Variants in ACBD6 observed in about 807,000 individuals in gnomAD.
ACBD6 encodes the protein acyl-CoA binding domain containing 6, also known as acyl-CoA-binding domain-containing protein 6.
Under a neutral mutation model 37.2 loss-of-function variants are expected in ACBD6, and 28 were observed. The observed-to-expected ratio is 0.75, with a 90% CI of 0.56 to 1.03. ACBD6 has a LOEUF of 1.03. Among genes scored for constraint, ACBD6 ranks in the 50% least tolerant of loss-of-function variants. The pLI, the probability that ACBD6 is intolerant of heterozygous loss-of-function variation, is 0.00. For missense variants in ACBD6, 340 were observed against 337.4 expected (o/e 1.01, Z -0.06); for synonymous variants, 113 against 126.8 (o/e 0.89, Z 0.73).
intron 3 of ACBD6, among the ~76,000 whole-genome samples, chr1:180,483,703 ATTAATCTT>A (rs1651148418): frequency 6.6e-6 from 1 of 152,212 alleles, no homozygotes; most frequent in African/African-American, 2.4e-5. Flanking sequence ...AATACATACT[ATTAATCTT>A]TTAATCAGTG....
At chr1:180,387,918 GTAAT>G (rs1653905809) in intron 6 of ACBD6, among the ~76,000 whole-genome samples, 1 of 152,072 alleles carries the variant, frequency 6.6e-6, no homozygotes. Context: ...GCTCACACCT[GTAAT>G]CCCACCACTT....
At chr1:180,393,090 G>A (rs559066759) in intron 6 of ACBD6, among the ~76,000 whole-genome samples, 2 of 152,304 alleles carry the variant, frequency 1.3e-5, no homozygotes, top group East Asian at 3.9e-4. Flanking sequence ...AGAAGGGTGT[G>A]TGTGTGTGCG....
chr1:180,397,494 A>G, intron 6 of ACBD6, 22 bp downstream of exon 6: 2 of 1,592,276 alleles, frequency 1.3e-6, no homozygotes, highest in South Asian at 2.2e-5. Context: ...AAAAAATAAA[A>G]GCTCTTCTTT....
chr1:180,493,060 C>T (rs1042988905), intron 2 of ACBD6, among the ~76,000 whole-genome samples: 5 of 151,708 alleles, frequency 3.3e-5, no homozygotes, highest in Non-Finnish European at 7.4e-5. Context: ...ACCAGCCTGG[C>T]CAACATGGTG....
chr1:180,425,342 C>G (rs1215471820), intron 4 of ACBD6, among the ~76,000 whole-genome samples: 1 of 152,192 alleles, frequency 6.6e-6, no homozygotes, highest in African/African-American at 2.4e-5. Context: ...CTTGCCTATA[C>G]CCACTTGTGT....
At chr1:180,457,266 C>A (rs1038684928) in intron 3 of ACBD6, among the ~76,000 whole-genome samples, 1 of 152,100 alleles carries the variant, frequency 6.6e-6, no homozygotes, top group Non-Finnish European at 1.5e-5. Context: ...AGGTAGATTA[C>A]CTTAGCAAGC....
At chr1:180,407,273 T>C (rs1647664578) in intron 5 of ACBD6, among the ~76,000 whole-genome samples, 1 of 152,218 alleles carries the variant, frequency 6.6e-6, no homozygotes, top group African/African-American at 2.4e-5. Context: ...ACTTCATCTG[T>C]TCATGAAATA....
Position 180,502,046 on chromosome 1 carries a change from T to C in ACBD6, c.221A>G (p.Gln74Arg). ...TCCACCCTCTCCCTGCTACTTTACC[T>C]GTTTGTACCTGGCATACAGGTACAA... is the stretch of plus-strand genomic sequence containing the variant. The part of the protein sequence containing the change: ...QLLYLYARYK[Q>R]VKVGNCNTPK... Residue 74 changes from glutamine to arginine, a missense_variant and splice_region_variant, in exon 1 of 8, where the codon CAG (glutamine) becomes CGG (arginine). Transcript: ENST00000367595. 6.2e-7 allele frequency: 1 copy of C among 1,613,508 alleles called. No individual in the cohort carries two copies. The highest frequency in any genetic ancestry group is 1.1e-5 in the South Asian group (1 of 90,870).
intron 3 of ACBD6, among the ~76,000 whole-genome samples, chr1:180,457,763 A>G (rs1649979507): frequency 6.6e-6 from 1 of 152,088 alleles, no homozygotes; most frequent in Non-Finnish European, 1.5e-5. Context: ...CATTATTCCA[A>G]AAAAGTCTAC....
intron 5 of ACBD6, among the ~76,000 whole-genome samples, chr1:180,410,003 A>G (rs959164982): frequency 6.6e-6 from 1 of 152,260 alleles, no homozygotes; most frequent in East Asian, 1.9e-4. Flanking sequence ...CAGTGAGCAT[A>G]CAAATGATAG....
chr1:180,382,607 C>A (rs138968938), intron 6 of ACBD6, among the ~76,000 whole-genome samples: 1 of 152,152 alleles, frequency 6.6e-6, no homozygotes, highest in African/African-American at 2.4e-5. Flanking sequence ...GGCTTCACTG[C>A]TGAATTCTAC....
At chr1:180,352,923 T>C (rs373613318) in intron 6 of ACBD6, among the ~76,000 whole-genome samples, 2 of 152,242 alleles carry the variant, frequency 1.3e-5, no homozygotes, top group East Asian at 3.8e-4. Context: ...TCGTGGTATG[T>C]CAAGCTCATT....
At chr1:180,271,634 G>A (rs534849432) in exon 14 of ACBD6, 236 of 1,488,478 alleles carry the variant, frequency 1.6e-4, no homozygotes, top group Non-Finnish European at 2.1e-4. Context: ...TTGGGCTCAG[G>A]GCTTGACCCC....
chr1:180,384,639 G>A (rs1054861911), intron 6 of ACBD6, among the ~76,000 whole-genome samples: 6 of 152,102 alleles, frequency 3.9e-5, no homozygotes, highest in South Asian at 2.1e-4. Context: ...TTCAGCAATC[G>A]CACTACTGGG....
intron 7 of ACBD6, among the ~76,000 whole-genome samples, chr1:180,308,765 T>C (rs1650481953): frequency 6.6e-6 from 1 of 152,196 alleles, no homozygotes; most frequent in Non-Finnish European, 1.5e-5. Context: ...CTCAGAGTTC[T>C]CCCAGTTAGA....
intron 1 of ACBD6, among the ~76,000 whole-genome samples, chr1:180,499,035 A>C (rs1651849766): frequency 1.3e-5 from 2 of 152,200 alleles, no homozygotes; most frequent in Admixed American, 1.3e-4. Flanking sequence ...CTTTATTAAA[A>C]GATTATTCTG....
At chr1:180,421,953 T>C (rs1648382915) in intron 4 of ACBD6, among the ~76,000 whole-genome samples, 1 of 152,202 alleles carries the variant, frequency 6.6e-6, no homozygotes, top group African/African-American at 2.4e-5. Flanking sequence ...AACCTCTTTC[T>C]AAACTTATCA....
intron 6 of ACBD6, among the ~76,000 whole-genome samples, chr1:180,322,785 T>C (rs10798746): frequency 0.49 from 73,724 of 150,850 alleles, 20,667 homozygotes; most frequent in South Asian, 0.66. Flanking sequence ...ATTTTATTTG[T>C]CTTTTCAAAA....
chr1:180,485,938 A>G (rs1286658285), intron 3 of ACBD6, among the ~76,000 whole-genome samples: 2 of 151,884 alleles, frequency 1.3e-5, no homozygotes, highest in African/African-American at 4.8e-5. Context: ...AGGTACTCCC[A>G]GTAGCAAAAA....
Sources: gnomAD v4.1 joint callset for allele counts (sites outside exome capture counted in the v4.1 genomes callset) on GRCh38, gnomAD v4.1.1 for gene constraint, MANE v1.5 for transcripts, NCBI Gene and HGNC (gene_info 2026-07-23, HGNC 2026-07-21) for gene names.